ITPKB: variants seen among roughly 807,000 people sequenced by gnomAD.
ITPKB encodes the protein inositol-trisphosphate 3-kinase B, also known as IP3 3-kinase B.
A neutral mutation model predicts 69.4 loss-of-function variants in ITPKB; 13 were observed. That is an observed-to-expected ratio of 0.19 (90% CI 0.12 to 0.30). The LOEUF (loss-of-function observed/expected upper bound fraction) is 0.30. Ranked by LOEUF, ITPKB falls within the 10% of genes least tolerant of loss-of-function variation. The pLI is 1.00. For synonymous variants in ITPKB, 584 were observed against 513.7 expected (o/e 1.14, Z -1.85); for missense variants, 1,240 against 1,250.5 (o/e 0.99, Z 0.13).
intron 2 of ITPKB, among the ~76,000 whole-genome samples, chr1:226,666,565 C>T (rs1488247359): frequency 6.6e-6 from 1 of 151,970 alleles, no homozygotes; most frequent in Non-Finnish European, 1.5e-5. Context: ...TAAGATCTAC[C>T]CTCAGGGACA....
chr1:226,723,298 G>A (rs1322604783), intron 2 of ITPKB, among the ~76,000 whole-genome samples: 3 of 152,132 alleles, frequency 2.0e-5, no homozygotes, highest in Non-Finnish European at 4.4e-5. Context: ...GAGGAGGCCA[G>A]GGTGACGCAC....
In ITPKB at chr1:226,634,664, G is replaced by C. The variant is rs754932102; in HGVS notation, c.*7C>G. On this transcript the variant is annotated 3_prime_UTR_variant, in exon 8 of 8. Coordinates refer to ENST00000429204, the MANE Select transcript of ITPKB (RefSeq NM_002221.4). The surrounding 1 kb of genome is among the most constrained non-coding windows in gnomAD (Gnocchi z 6.3). ...CCCAGGCGGGGGCCAGGGAGGGCGT[G>C]GGCAGCTCAGGCGAGTGGGGCATCC... The C allele has an allele frequency of 1.6e-5, 13 of 790,092 alleles. No homozygotes were observed. The East Asian group carries it at 2.4e-4, about 15-fold the overall frequency. 48.9% of individuals were successfully genotyped at this position (790,092 alleles called of 1,614,324 possible).
intron 2 of ITPKB, among the ~76,000 whole-genome samples, chr1:226,718,749 C>T (rs1368122795): frequency 6.6e-6 from 1 of 152,204 alleles, no homozygotes; most frequent in African/African-American, 2.4e-5. Context: ...AGCTGCAGCA[C>T]TCATACACTG....
At chr1:226,696,624 C>A (rs1353128165) in intron 2 of ITPKB, among the ~76,000 whole-genome samples, 1 of 152,166 alleles carries the variant, frequency 6.6e-6, no homozygotes, top group Non-Finnish European at 1.5e-5. Flanking sequence ...CCTTGGAGAC[C>A]AAGCAACCGC....
chr1:226,666,149 T>C (rs1209285018), intron 2 of ITPKB, among the ~76,000 whole-genome samples: 3 of 152,216 alleles, frequency 2.0e-5, no homozygotes, highest in Non-Finnish European at 2.9e-5. Context: ...ATCAGTCCTA[T>C]ATCTGCCCCA....
At position 226,736,551 on chromosome 1, in the gene ITPKB, G is replaced by A. The variant is rs780735244; in HGVS notation, c.908C>T (p.Ala303Val). Residue 303 changes from alanine to valine, a missense_variant, in exon 2 of 8, where the codon GCC becomes GTC. Ala to Val is a moderately conservative substitution (Grantham distance 64). Around this residue, in one of 2 missense-constraint regions of ITPKB, gnomAD observed 992 missense variants for 853.8 expected, o/e 1.16. Coordinates refer to ENST00000429204, the MANE Select transcript of ITPKB (RefSeq NM_002221.4). ...TGTAACTCTCGCTGCCACTTCCGTG[G>A]CCATCGTTAAGCTAGCTCCGAACAG... ...LGLFGASLTMATEVAARVTST... is the reference protein window; with the variant it reads ...LGLFGASLTMVTEVAARVTST... The A allele has an allele frequency of 1.5e-5, 24 of 1,614,026 alleles. No individual in the cohort carries two copies. Among genetic ancestry groups the A allele is most frequent in the Non-Finnish European group, 2.0e-5 (24 of 1,180,034 alleles).
intron 2 of ITPKB, among the ~76,000 whole-genome samples, chr1:226,711,797 C>T (rs1464130756): frequency 2.0e-5 from 3 of 152,136 alleles, no homozygotes; most frequent in Admixed American, 2.0e-4. Context: ...ACCACCGTGT[C>T]CATCCCTGAC....
intron 2 of ITPKB, among the ~76,000 whole-genome samples, chr1:226,661,561 A>T (rs768011547): frequency 6.6e-6 from 1 of 152,200 alleles, no homozygotes; most frequent in Non-Finnish European, 1.5e-5. Context: ...TGAGATTTAG[A>T]TCCTGCCACT....
At chr1:226,730,946 G>T (rs191239682) in intron 2 of ITPKB, among the ~76,000 whole-genome samples, 212 of 152,280 alleles carry the variant, frequency 1.4e-3, no homozygotes, top group Non-Finnish European at 2.5e-3. Flanking sequence ...CCGACTGACT[G>T]GTTTAATGTT....
At chr1:226,704,014 C>T (rs1409648837) in intron 2 of ITPKB, among the ~76,000 whole-genome samples, 1 of 152,182 alleles carries the variant, frequency 6.6e-6, no homozygotes, top group Non-Finnish European at 1.5e-5. Context: ...CCACGGTCAG[C>T]TTGCAGAGCG....
chr1:226,646,678 G>C (rs1377975596), intron 4 of ITPKB, among the ~76,000 whole-genome samples: 1 of 152,066 alleles, frequency 6.6e-6, no homozygotes, highest in African/African-American at 2.4e-5. Context: ...GGCAGATACA[G>C]GTCTTTTTTG....
In ITPKB at chr1:226,736,213, T is replaced by G; in HGVS notation, c.1246A>C (p.Arg416=). Residue 416 remains arginine, a synonymous_variant, in exon 2 of 8, where the codon AGG becomes CGG. Transcript: ENST00000429204. ...TCAGGGCCTACGGAGGCCAGGGCCC[T>G]GGGCAGCCTGGACCAGCTCAGGGAA... The part of the protein sequence containing the change: ...SDSLSWSRLP[R]ALASVGPEEA... The G allele has an allele frequency of 6.5e-7, 1 of 1,534,878 alleles. No homozygotes were observed. Among genetic ancestry groups the G allele is most frequent in the Non-Finnish European group, 8.7e-7 (1 of 1,144,046 alleles).
intron 3 of ITPKB, among the ~76,000 whole-genome samples, chr1:226,647,833 A>G (rs1669091909): frequency 6.6e-6 from 1 of 152,258 alleles, no homozygotes; most frequent in Admixed American, 6.5e-5. Context: ...TGGGGGGCCT[A>G]AGGCTCAGCC....
chr1:226,693,006 G>A (rs1404148023), intron 2 of ITPKB, among the ~76,000 whole-genome samples: 1 of 152,210 alleles, frequency 6.6e-6, no homozygotes, highest in Non-Finnish European at 1.5e-5. Context: ...AATCCCTGAT[G>A]AGCTGCTTCA....
In ITPKB at chr1:226,637,774, T is replaced by G; in HGVS notation, c.2554-24A>C. The G allele has an allele frequency of 2.5e-6, 4 of 1,592,896 alleles. No homozygotes were observed. The highest frequency in any genetic ancestry group is 3.4e-6 in the Non-Finnish European group (4 of 1,161,758). ...ATCTGGGAATAGAAAGAGGACCAGA[T>G]TTTTAAGCGCCGCGTGGGGAAGGGC... On this transcript the variant is annotated intron_variant, in intron 6 of 7. Coordinates refer to ENST00000429204, the MANE Select transcript of ITPKB (RefSeq NM_002221.4). The surrounding 1 kb of genome is among the most constrained non-coding windows in gnomAD (Gnocchi z 4.3).
intron 2 of ITPKB, among the ~76,000 whole-genome samples, chr1:226,683,536 T>C (rs565675344): frequency 2.6e-5 from 4 of 152,220 alleles, no homozygotes; most frequent in South Asian, 4.1e-4. Context: ...CACCATGCTA[T>C]GCCCCATGAC....
At chr1:226,704,714 A>G (rs553683319) in intron 2 of ITPKB, among the ~76,000 whole-genome samples, 6 of 152,358 alleles carry the variant, frequency 3.9e-5, no homozygotes, top group Non-Finnish European at 7.3e-5. Flanking sequence ...CTACTTAAAC[A>G]GTAAGTAATG....
intron 5 of ITPKB, among the ~76,000 whole-genome samples, chr1:226,640,677 G>C (rs1365759800): frequency 6.6e-6 from 1 of 152,160 alleles, no homozygotes; most frequent in Non-Finnish European, 1.5e-5. Flanking sequence ...TTCTAATAAA[G>C]AAAGGAAAGC....
intron 7 of ITPKB, among the ~76,000 whole-genome samples, chr1:226,635,439 T>G (rs994967503): frequency 4.6e-5 from 7 of 152,208 alleles, no homozygotes; most frequent in Admixed American, 3.9e-4. Context: ...TTACCCAGGC[T>G]GGTCCCAAAC....
Sources: allele counts gnomAD v4.1 joint callset (sites outside exome capture counted in the v4.1 genomes callset), GRCh38; gene constraint gnomAD v4.1.1; regional missense constraint gnomAD v4.1.1; non-coding constraint Gnocchi (gnomAD v3.1); transcripts MANE v1.5; gene names NCBI Gene and HGNC (gene_info 2026-07-23, HGNC 2026-07-21).